The following KMT2C variants were observed in gnomAD, a reference collection of about 807,000 sequenced individuals.
The protein encoded by KMT2C is histone-lysine N-methyltransferase 2C.
KMT2C carries 88 observed loss-of-function variants against 507.9 expected under a neutral mutation model. The ratio of observed to expected loss-of-function variants is 0.17; its 90% CI spans 0.15 to 0.21. The LOEUF (loss-of-function observed/expected upper bound fraction) is 0.21, where lower values mean the gene tolerates loss of function less well. KMT2C is among the 10% of genes least tolerant of loss of function. The pLI, the probability that KMT2C is intolerant of heterozygous loss-of-function variation, is 1.00. For synonymous variants in KMT2C, 2,049 were observed against 2,080.8 expected, an observed-to-expected ratio of 0.98 and a Z score of 0.42; for missense variants, 4,954 against 5,957.8, an observed-to-expected ratio of 0.83 and a Z score of 5.55.
rs1201368380 is a variant in KMT2C, at chr7:152,150,890, C to G, written c.12774+10G>C. 2 of 1,536,040 alleles carry G rather than the reference C, an allele frequency of 1.3e-6. No homozygotes were observed. Among genetic ancestry groups the G allele is most frequent in the South Asian group, 1.1e-5 (1 of 89,314 alleles). ...CACATTGTTATCAGCTGAGATTATC[C>G]TAATCTCACCTTGTTTTCTGAGTTT... On this transcript the variant is annotated intron_variant, in intron 51 of 58. Transcript: ENST00000262189.
At chr7:152,365,622 G>A (rs897816493) in intron 1 of KMT2C, among the ~76,000 whole-genome samples, 1 of 152,202 alleles carries the variant, frequency 6.6e-6, no homozygotes, top group African/African-American at 2.4e-5. Context: ...CTGGTCTCAA[G>A]CGATCCTCCC....
Position 152,429,525 on chromosome 7 carries a change from T to G in KMT2C, c.161+6101A>C, listed in dbSNP as rs559408166. On this transcript the variant is annotated intron_variant, in intron 1 of 58. Transcript: ENST00000262189. ...AATCCAAGATTGGTCTATTACTTTTTTTTTTTTCTTTTTGAGACAGAGTCT... is the reference window on the plus strand; with the variant it reads ...AATCCAAGATTGGTCTATTACTTTTGTTTTTTTCTTTTTGAGACAGAGTCT... Among the ~76,000 whole-genome samples, 72 of 152,158 alleles carry G rather than the reference T, an allele frequency of 4.7e-4. 1 individual carries two copies. Among genetic ancestry groups the G allele is most frequent in the African/African-American group, 1.7e-3 (71 of 41,530 alleles).
At position 152,144,994 on chromosome 7, in the gene KMT2C, AAAGCTGCCTAGCAG is replaced by A; in HGVS notation, c.14175-127_14175-114del. 4.3e-6 allele frequency: 6 copies of A among 1,383,330 alleles called. No homozygotes were observed. The highest frequency in any genetic ancestry group is 5.9e-6 in the Non-Finnish European group (6 of 1,020,258). 85.7% of individuals were successfully genotyped at this position (1,383,330 alleles called of 1,614,324 possible). A position where few individuals can be genotyped will look rare whatever the true frequency, so the allele number is the denominator to read the frequency against. On this transcript the variant is annotated intron_variant, in intron 54 of 58. Coordinates refer to ENST00000262189, the MANE Select transcript of KMT2C (RefSeq NM_170606.3). The surrounding 1 kb of genome is among the most constrained non-coding windows in gnomAD (Gnocchi z 4.4). ...TTCTTACTGACAGAAACATACATGG[AAAGCTGCCTAGCAG>A]AGACACACGGCGAGTTCTCTTATGT...
chr7:152,241,765 T>C (rs141700325), intron 14 of KMT2C, among the ~76,000 whole-genome samples: 9 of 152,362 alleles, frequency 5.9e-5, no homozygotes, highest in African/African-American at 2.2e-4. Context: ...GATAGTTTAA[T>C]ATTATGTTGG....
chr7:152,250,745 C>G (rs1434677893), intron 12 of KMT2C, 108 bp downstream of exon 12: 1 of 644,388 alleles, frequency 1.6e-6, no homozygotes, highest in East Asian at 2.7e-5. Flanking sequence ...AAAACTCTTC[C>G]TAAGTGACTG....
chr7:152,219,581 T>TA (rs1207953512), intron 23 of KMT2C, among the ~76,000 whole-genome samples: 1,625 of 137,152 alleles, frequency 0.012, 16 homozygotes, highest in African/African-American at 0.031. Flanking sequence ...CACTGCCCCT[T>TA]AAAAAAAAAA....
intron 2 of KMT2C, among the ~76,000 whole-genome samples, chr7:152,353,687 C>T (rs750338245): frequency 2.0e-5 from 3 of 152,010 alleles, no homozygotes; most frequent in Admixed American, 6.6e-5. Context: ...TTTGTAGAGA[C>T]GGGTTTTTGC....
intron 29 of KMT2C, 45 bp from the exon 30 acceptor site, chr7:152,194,306 T>C (rs762335698): frequency 3.7e-6 from 5 of 1,344,874 alleles, no homozygotes; most frequent in Non-Finnish European, 5.1e-6. Flanking sequence ...CAGCTACTAA[T>C]TCAATATACT....
At chr7:152,195,819 C>G in intron 28 of KMT2C, 88 bp downstream of exon 28, 1 of 682,674 alleles carries the variant, frequency 1.5e-6, no homozygotes, top group Non-Finnish European at 2.3e-6. Context: ...TACTGGGAAA[C>G]AGACAAAAGG....
intron 1 of KMT2C, among the ~76,000 whole-genome samples, chr7:152,378,783 C>A (rs2097348319): frequency 1.3e-5 from 2 of 152,112 alleles, no homozygotes; most frequent in African/African-American, 4.8e-5. Context: ...GCCTAACTTC[C>A]AATATTTTCT....
intron 2 of KMT2C, among the ~76,000 whole-genome samples, chr7:152,357,310 G>A (rs2129230393): frequency 6.6e-6 from 1 of 152,244 alleles, no homozygotes; most frequent in Admixed American, 6.5e-5. Context: ...GGATTATGAG[G>A]TCAGGAGATT....
chr7:152,140,209 T>TA (rs2090381982), intron 55 of KMT2C, among the ~76,000 whole-genome samples: 1 of 152,236 alleles, frequency 6.6e-6, no homozygotes, highest in Non-Finnish European at 1.5e-5. Context: ...AGGCTAACTA[T>TA]AACCAATCAC....
chr7:152,250,808 A>G (rs2095551162), intron 12 of KMT2C, 45 bp downstream of exon 12: 1 of 1,008,930 alleles, frequency 9.9e-7, no homozygotes, highest in African/African-American at 1.6e-5. Context: ...TATTGTATAT[A>G]CACATTTTCT....
chr7:152,161,473 A>C (rs1036155519), intron 43 of KMT2C, among the ~76,000 whole-genome samples: 1 of 152,216 alleles, frequency 6.6e-6, no homozygotes, highest in Non-Finnish European at 1.5e-5. Context: ...CTCAAACTCC[A>C]GTTTTGGAAC....
chr7:152,431,408 C>G (rs567647998), intron 1 of KMT2C, among the ~76,000 whole-genome samples: 2 of 152,104 alleles, frequency 1.3e-5, no homozygotes, highest in Non-Finnish European at 2.9e-5. Flanking sequence ...ACCATCCTGG[C>G]TAACAGGGTG....
In KMT2C at chr7:152,163,461, A is replaced by C; in HGVS notation, c.10116T>G (p.Asn3372Lys). The change falls in exon 43 of 59, where the codon AAT (asparagine) becomes AAG (lysine). Residue 3372 changes from asparagine (N) to lysine (K), a missense_variant. Asn to Lys is a moderately conservative substitution (Grantham distance 94). Transcript: ENST00000262189. The stretch of plus-strand genomic sequence containing the variant: ...GTGGTGGTCCACTCTGTGGATTTGC[A>C]TTTGAGACTGTCCCTGGGGCTGGTG... The part of the protein sequence containing the change: ...TCTPAPGTVS[N>K]ANPQSGPPPR... 1 of 1,614,190 alleles carries C rather than the reference A, an allele frequency of 6.2e-7. No individual in the cohort carries two copies. The highest frequency in any genetic ancestry group is 8.5e-7 in the Non-Finnish European group (1 of 1,180,036).
intron 16 of KMT2C, among the ~76,000 whole-genome samples, chr7:152,235,207 G>GTA (rs71533554): frequency 0.018 from 2,603 of 142,378 alleles, 117 homozygotes; most frequent in African/African-American, 0.053. Flanking sequence ...TTTCAAGGGT[G>GTA]TATATATATA....
chr7:152,277,531 T>G (rs2096106218), intron 6 of KMT2C, among the ~76,000 whole-genome samples: 1 of 151,754 alleles, frequency 6.6e-6, no homozygotes, highest in South Asian at 2.1e-4. Context: ...ACCGAAAGAG[T>G]CATTATCACT....
intron 6 of KMT2C, among the ~76,000 whole-genome samples, chr7:152,304,078 T>C (rs1012653750): frequency 2.6e-5 from 4 of 152,150 alleles, no homozygotes; most frequent in African/African-American, 9.7e-5. Flanking sequence ...TATTAAAAGA[T>C]GTGCACAATC....
Sources: gnomAD v4.1 joint callset for allele counts (sites outside exome capture counted in the v4.1 genomes callset) on GRCh38, gnomAD v4.1.1 for gene constraint, Gnocchi (gnomAD v3.1) non-coding constraint, MANE v1.5 for transcripts, NCBI Gene and HGNC (gene_info 2026-07-23, HGNC 2026-07-21) for gene names.